Variants in CHST11 observed in about 807,000 individuals in gnomAD.
CHST11 encodes the protein C4S-1.
Under a neutral mutation model 30.4 loss-of-function variants are expected in CHST11, and 9 were observed. The observed-to-expected ratio is 0.30, with a 90% confidence interval of 0.18 to 0.52. The LOEUF is 0.52. Among genes scored for constraint, CHST11 ranks in the 20% least tolerant of loss-of-function variants. CHST11 has a pLI of 0.97. For synonymous variants in CHST11, 152 were observed against 187.8 expected (o/e 0.81, Z 1.56); for missense variants, 348 against 460.6 (o/e 0.76, Z 2.24).
intron 1 of CHST11, among the ~76,000 whole-genome samples, chr12:104,524,388 A>G (rs2038103485): frequency 2.0e-5 from 3 of 152,160 alleles, no homozygotes; most frequent in Admixed American, 2.0e-4. Flanking sequence ...CTTTGCAGCT[A>G]GTTCATTCAT....
intron 1 of CHST11, among the ~76,000 whole-genome samples, chr12:104,601,058 T>C (rs1167511862): frequency 6.6e-6 from 1 of 150,614 alleles, no homozygotes; most frequent in Non-Finnish European, 1.5e-5. Context: ...CTGCTCTCTT[T>C]CCTTCCCTCC....
chr12:104,504,437 G>A (rs1279182495), intron 1 of CHST11, among the ~76,000 whole-genome samples: 1 of 152,224 alleles, frequency 6.6e-6, no homozygotes, highest in African/African-American at 2.4e-5. Context: ...CACCTCAGTG[G>A]CAGCAGGTGG....
chr12:104,651,370 T>C (rs2136082072), intron 2 of CHST11, among the ~76,000 whole-genome samples: 1 of 152,344 alleles, frequency 6.6e-6, no homozygotes, highest in South Asian at 2.1e-4. Context: ...TATAATGTAA[T>C]TAACAAGTAT....
At chr12:104,614,306 CTTTGGGAGTCTGA>C (rs2039087258) in intron 2 of CHST11, among the ~76,000 whole-genome samples, 1 of 152,176 alleles carries the variant, frequency 6.6e-6, no homozygotes, top group Non-Finnish European at 1.5e-5. Context: ...AATCCCTACA[CTTTGGGAGTCTGA>C]GGTGGGAGGA....
intron 1 of CHST11, among the ~76,000 whole-genome samples, chr12:104,504,971 G>A (rs1241832406): frequency 2.6e-5 from 4 of 152,182 alleles, no homozygotes; most frequent in African/African-American, 9.7e-5. Context: ...GCCTTGCACT[G>A]GTGCTGAATG....
intron 1 of CHST11, among the ~76,000 whole-genome samples, chr12:104,516,163 A>G (rs968564687): frequency 1.3e-5 from 2 of 152,302 alleles, no homozygotes; most frequent in South Asian, 4.1e-4. Context: ...GAGGCAGTTT[A>G]GTAGCATTCC....
chr12:104,460,750 C>T (rs543327798), intron 1 of CHST11, among the ~76,000 whole-genome samples: 1 of 151,480 alleles, frequency 6.6e-6, no homozygotes, highest in African/African-American at 2.4e-5. Context: ...GGCCCATTAT[C>T]TTTTCTAATT....
chr12:104,485,144 T>A (rs986931659), intron 1 of CHST11, among the ~76,000 whole-genome samples: 1 of 152,210 alleles, frequency 6.6e-6, no homozygotes. Context: ...CAGAGGTTCA[T>A]GTGCTTAGAA....
intron 2 of CHST11, among the ~76,000 whole-genome samples, chr12:104,671,798 T>C (rs1345277262): frequency 6.6e-6 from 1 of 152,172 alleles, no homozygotes; most frequent in Admixed American, 6.5e-5. Context: ...GCCCTCTTCT[T>C]GCATAATGTG....
At chr12:104,642,896 A>G (rs2039391383) in intron 2 of CHST11, among the ~76,000 whole-genome samples, 1 of 152,190 alleles carries the variant, frequency 6.6e-6, no homozygotes, top group Non-Finnish European at 1.5e-5. Flanking sequence ...TATGTAGTCA[A>G]GTAGAGGTTG....
At chr12:104,696,589 C>T (rs1049959256) in intron 2 of CHST11, among the ~76,000 whole-genome samples, 3 of 151,260 alleles carry the variant, frequency 2.0e-5, no homozygotes, top group Non-Finnish European at 2.9e-5. Flanking sequence ...TTGCTTGAAC[C>T]GGGAAGGCAG....
At chr12:104,587,894 G>C (rs1333589779) in intron 1 of CHST11, among the ~76,000 whole-genome samples, 1 of 105,630 alleles carries the variant, frequency 9.5e-6, no homozygotes, top group South Asian at 3.2e-4. Context: ...GGCTGGAGGA[G>C]ATTAGGTTTT....
intron 2 of CHST11, among the ~76,000 whole-genome samples, chr12:104,644,058 G>T (rs771512148): frequency 1.3e-5 from 2 of 152,130 alleles, no homozygotes; most frequent in Admixed American, 6.5e-5. Flanking sequence ...TTTCTGCAAG[G>T]AGCTGTCCGG....
chr12:104,602,726 A>G (rs943263299), intron 2 of CHST11, among the ~76,000 whole-genome samples: 1 of 152,204 alleles, frequency 6.6e-6, no homozygotes, highest in Non-Finnish European at 1.5e-5. Flanking sequence ...TGGTAAGTGA[A>G]CAACTAGCAG....
chr12:104,504,536 C>G (rs553477968), intron 1 of CHST11, among the ~76,000 whole-genome samples: 1 of 152,204 alleles, frequency 6.6e-6, no homozygotes, highest in Non-Finnish European at 1.5e-5. Flanking sequence ...AGTGACACAT[C>G]TGGGTAGGGA....
intron 1 of CHST11, among the ~76,000 whole-genome samples, chr12:104,589,284 C>G (rs1158569620): frequency 6.6e-6 from 1 of 151,696 alleles, no homozygotes; most frequent in African/African-American, 2.4e-5. Flanking sequence ...GTCTGTAGTC[C>G]CAGCTACTCT....
intron 1 of CHST11, among the ~76,000 whole-genome samples, chr12:104,516,600 G>T (rs1485141029): frequency 6.6e-6 from 1 of 151,988 alleles, no homozygotes; most frequent in Non-Finnish European, 1.5e-5. Flanking sequence ...AACTCCAGGA[G>T]GGGAGACATA....
intron 2 of CHST11, among the ~76,000 whole-genome samples, chr12:104,708,585 G>A (rs1056991627): frequency 1.1e-4 from 17 of 152,208 alleles, no homozygotes; most frequent in Middle Eastern, 3.4e-3. Context: ...TCCCTACTCC[G>A]TCCTCCAAGG....
intron 1 of CHST11, among the ~76,000 whole-genome samples, chr12:104,500,412 A>T (rs2037841637): frequency 6.6e-6 from 1 of 152,224 alleles, no homozygotes; most frequent in Non-Finnish European, 1.5e-5. Context: ...CCACGTAGCT[A>T]ATCAGGGGAC....
Sources: gnomAD v4.1 joint callset for allele counts (sites outside exome capture counted in the v4.1 genomes callset) on GRCh38, gnomAD v4.1.1 for gene constraint, MANE v1.5 for transcripts, NCBI Gene and HGNC (gene_info 2026-07-23, HGNC 2026-07-21) for gene names.